Variants in SOX6 observed in about 807,000 individuals in gnomAD.
SOX6 encodes SRY-box transcription factor 6, also known as transcription factor SOX-6.
Under a neutral mutation model 97.8 loss-of-function variants are expected in SOX6, and 11 were observed. The ratio of observed to expected loss-of-function variants is 0.11; its 90% CI spans 0.07 to 0.19. SOX6 has a LOEUF of 0.19. Ranked by LOEUF, SOX6 falls within the 10% of genes least tolerant of loss-of-function variation. The pLI is 1.00. For synonymous variants in SOX6, 360 were observed against 371.4 expected (o/e 0.97, Z 0.35); for missense variants, 810 against 1,039.5 (o/e 0.78, Z 3.04).
intron 3 of SOX6, among the ~76,000 whole-genome samples, chr11:16,712,075 C>CCA (rs1848185086): frequency 2.6e-5 from 3 of 116,968 alleles, no homozygotes; most frequent in Non-Finnish European, 5.3e-5. Context: ...GAGTAGTATT[C>CCA]CATACACACA....
At chr11:16,330,893 T>C (rs184897984) in intron 2 of SOX6, among the ~76,000 whole-genome samples, 149 of 152,180 alleles carry the variant, frequency 9.8e-4, no homozygotes, top group Non-Finnish European at 1.5e-3. Flanking sequence ...GTAACTTGTG[T>C]TCCCTCTAAG....
Position 16,605,460 on chromosome 11 carries a change from T to G in SOX6, n.609+6621A>C, listed in dbSNP as rs1848323821. Reference sequence around the variant, plus strand: ...TCCTGAAAAGATCATTAAAAAGTACTGTCCAAAAACGGGGGGAGGGGGAAG... The same window carrying G: ...TCCTGAAAAGATCATTAAAAAGTACGGTCCAAAAACGGGGGGAGGGGGAAG... On this transcript the variant is annotated intron_variant and non_coding_transcript_variant, in intron 4 of 5. Transcript: ENST00000524520. This position sits in a 1 kb window ranked among gnomAD's most constrained non-coding sequence, Gnocchi z 5.3. 6.6e-6 allele frequency among the ~76,000 whole-genome samples: 1 copy of G among 151,424 alleles called. No homozygotes were observed. The highest frequency in any genetic ancestry group is 2.4e-5 in the African/African-American group (1 of 41,238).
upstream of SOX6, among the ~76,000 whole-genome samples, chr11:16,476,742 T>C (rs1186764757): frequency 6.6e-6 from 1 of 152,226 alleles, no homozygotes; most frequent in Admixed American, 6.5e-5. Context: ...TGTCTGCAAG[T>C]TGAAATGAAT....
At chr11:16,560,678 T>C (rs1185136430) in intron 4 of SOX6, among the ~76,000 whole-genome samples, 1 of 152,004 alleles carries the variant, frequency 6.6e-6, no homozygotes. Flanking sequence ...AAATGAATAA[T>C]GAAGTGTGGG....
At chr11:16,010,713 G>A (rs1186256792) in intron 13 of SOX6, among the ~76,000 whole-genome samples, 3 of 151,852 alleles carry the variant, frequency 2.0e-5, no homozygotes, top group Admixed American at 6.6e-5. Context: ...ATCTGTGAAA[G>A]GTAATTGGGA....
intron 4 of SOX6, among the ~76,000 whole-genome samples, chr11:16,224,017 C>A (rs1259600990): frequency 6.6e-6 from 1 of 151,814 alleles, no homozygotes; most frequent in Non-Finnish European, 1.5e-5. Context: ...TTACTTTAAA[C>A]CAATTTTGCC....
chr11:16,172,454 T>C (rs897382908), intron 6 of SOX6, among the ~76,000 whole-genome samples: 16 of 152,034 alleles, frequency 1.1e-4, no homozygotes, highest in African/African-American at 3.6e-4. Flanking sequence ...AAAAATCACC[T>C]ACAGCCATTA....
intron 4 of SOX6, among the ~76,000 whole-genome samples, chr11:16,589,528 T>C (rs2133971785): frequency 6.6e-6 from 1 of 152,286 alleles, no homozygotes; most frequent in South Asian, 2.1e-4. Flanking sequence ...ATAATATTAA[T>C]AATGTAGGCC....
chr11:16,577,900 T>C (rs1050447569), intron 4 of SOX6, among the ~76,000 whole-genome samples: 1 of 152,198 alleles, frequency 6.6e-6, no homozygotes, highest in Non-Finnish European at 1.5e-5. Flanking sequence ...CTTGATGGTT[T>C]CCTTTGAGAC....
intron 13 of SOX6, among the ~76,000 whole-genome samples, chr11:16,013,558 T>C (rs1486671658): frequency 3.3e-5 from 5 of 151,982 alleles, no homozygotes; most frequent in African/African-American, 1.2e-4. Context: ...ATTTCTGGTT[T>C]TGAGTAATCT....
intron 4 of SOX6, among the ~76,000 whole-genome samples, chr11:16,575,134 A>C (rs1847970747): frequency 6.6e-6 from 1 of 152,160 alleles, no homozygotes; most frequent in Non-Finnish European, 1.5e-5. Context: ...CCTAATCAAT[A>C]GCTTATTTAA....
chr11:16,402,111 GAAAACAAAACA>G (rs1343407095), intron 1 of SOX6, among the ~76,000 whole-genome samples: 2 of 151,036 alleles, frequency 1.3e-5, no homozygotes, highest in Admixed American at 6.6e-5. Flanking sequence ...GGTTTTGAGG[GAAAACAAAACA>G]AAAACAAAAC....
intron 1 of SOX6, among the ~76,000 whole-genome samples, chr11:16,400,158 T>G (rs980329465): frequency 2.6e-5 from 4 of 151,498 alleles, no homozygotes; most frequent in Non-Finnish European, 5.9e-5. Flanking sequence ...AAAAATTACC[T>G]GCCATCATAG....
At chr11:16,526,956 A>G (rs963917591) in intron 4 of SOX6, among the ~76,000 whole-genome samples, 1 of 152,120 alleles carries the variant, frequency 6.6e-6, no homozygotes, top group Non-Finnish European at 1.5e-5. Context: ...AGGGAGAAGG[A>G]ACTATGGCAG....
At position 15,972,854 on chromosome 11, in the gene SOX6, G is replaced by C. The variant is rs1057138635; in HGVS notation, c.2442C>G (p.Asp814Glu). The C allele has an allele frequency of 5.0e-6, 8 of 1,614,108 alleles. No individual in the cohort carries two copies. The highest frequency in any genetic ancestry group is 1.3e-5 in the African/African-American group (1 of 74,942). ...CCGGGGCTTCATTTTCACTGCTATA[G>C]TCTGATTTGGGGTCATCTTCATAGT... ...YDDYEDDPKS[D>E]YSSENEAPEA... Residue 814 changes from aspartate to glutamate, a missense_variant, in exon 16 of 16, where the codon GAC becomes GAG. Physicochemically the swap from Asp to Glu is conservative, Grantham distance 45. This residue lies in a region of SOX6 where 122 missense variants were observed against 153.4 expected (regional missense o/e 0.80). Coordinates refer to ENST00000683767, the MANE Select transcript of SOX6 (RefSeq NM_001367873.1).
intron 2 of SOX6, among the ~76,000 whole-genome samples, chr11:16,338,111 AG>A (rs1490210774): frequency 1.3e-5 from 2 of 152,114 alleles, no homozygotes; most frequent in African/African-American, 4.8e-5. Flanking sequence ...CATTACAGAA[AG>A]TAAATAACAA....
chr11:16,638,149 T>C (rs1204565886), intron 3 of SOX6, among the ~76,000 whole-genome samples: 1 of 148,898 alleles, frequency 6.7e-6, no homozygotes, highest in East Asian at 2.0e-4. Context: ...ACTGAGAACA[T>C]GCGGTGTTTG....
chr11:16,682,027 T>G (rs1443428001), intron 3 of SOX6, among the ~76,000 whole-genome samples: 3 of 152,158 alleles, frequency 2.0e-5, no homozygotes, highest in African/African-American at 4.8e-5. Context: ...GAATTCTACC[T>G]GAGGTACAAA....
At chr11:16,050,082 C>G (rs1376434444) in intron 10 of SOX6, 144 bp from the exon 11 acceptor site, 9 of 824,640 alleles carry the variant, frequency 1.1e-5, no homozygotes, top group African/African-American at 5.1e-5. Flanking sequence ...TATCTACCTC[C>G]TTGAAGATTC....
Sources: gnomAD v4.1 joint callset for allele counts (sites outside exome capture counted in the v4.1 genomes callset) on GRCh38, gnomAD v4.1.1 for gene constraint, gnomAD v4.1.1 regional missense constraint, Gnocchi (gnomAD v3.1) non-coding constraint, MANE v1.5 for transcripts, NCBI Gene and HGNC (gene_info 2026-07-23, HGNC 2026-07-21) for gene names.